Variants in NAV1 observed in about 807,000 individuals in gnomAD.
NAV1 encodes neuron navigator 1.
Under a neutral mutation model 175.2 loss-of-function variants are expected in NAV1, and 18 were observed. The ratio of observed to expected loss-of-function variants is 0.10; its 90% CI spans 0.07 to 0.15. The LOEUF (loss-of-function observed/expected upper bound fraction) is 0.15. Among genes scored for constraint, NAV1 ranks in the 10% least tolerant of loss-of-function variants. NAV1 has a pLI of 1.00. For missense variants in NAV1, 1,731 were observed against 2,436.6 expected (o/e 0.71, Z 6.10); for synonymous variants, 897 against 978.7 (o/e 0.92, Z 1.56).
chr1:201,692,498 G>T (rs1386701231), intron 1 of NAV1, among the ~76,000 whole-genome samples: 1 of 152,208 alleles, frequency 6.6e-6, no homozygotes, highest in Non-Finnish European at 1.5e-5. Flanking sequence ...TTGGTAACAG[G>T]AGTTTGTAAT....
chr1:201,768,641 TAAA>T (rs71281169), intron 3 of NAV1, among the ~76,000 whole-genome samples: 1 of 114,160 alleles, frequency 8.8e-6, no homozygotes. Context: ...TTGTCTCAAT[TAAA>T]AAAAAAAAAA....
chr1:201,769,143 G>C (rs1329548737), intron 3 of NAV1, among the ~76,000 whole-genome samples: 1 of 152,140 alleles, frequency 6.6e-6, no homozygotes, highest in East Asian at 1.9e-4. Flanking sequence ...AGTATCAGGG[G>C]CAAATGTCAT....
intron 4 of NAV1, 141 bp from the exon 9 acceptor site, chr1:201,780,871 G>C: frequency 1.0e-6 from 1 of 991,228 alleles, no homozygotes; most frequent in South Asian, 1.8e-5. Context: ...GGAAACCCTA[G>C]GGGTATAGGT....
chr1:201,627,367 G>A (rs2102289561), intron 1 of NAV1, among the ~76,000 whole-genome samples: 1 of 152,042 alleles, frequency 6.6e-6, no homozygotes, highest in African/African-American at 2.4e-5. Context: ...CCACCTCCCT[G>A]GTTCAAGCGA....
chr1:201,808,651 A>T lies in NAV1; in HGVS notation c.4038+41A>T, dbSNP rs749282949. Reference sequence around the variant, plus strand: ...GACAGCTGCAGGAAAGGGAAGACCAAGGCTTGCTGTCTGTCCAGTCTGCCA... The same window carrying T: ...GACAGCTGCAGGAAAGGGAAGACCATGGCTTGCTGTCTGTCCAGTCTGCCA... On this transcript the variant is annotated intron_variant, in intron 19 of 29. Transcript: ENST00000367296. This position sits in a 1 kb window ranked among gnomAD's most constrained non-coding sequence, Gnocchi z 5.5. 17 of 1,614,086 alleles carry T rather than the reference A, an allele frequency of 1.1e-5. No individual in the cohort carries two copies. The Admixed American group carries it at 2.8e-4, about 27-fold the overall frequency.
intron 2 of NAV1, among the ~76,000 whole-genome samples, chr1:201,616,140 C>A (rs1345117209): frequency 6.6e-6 from 1 of 152,162 alleles, no homozygotes; most frequent in African/African-American, 2.4e-5. Context: ...TGAGTAGATC[C>A]TGTCTCAATC....
intron 22 of NAV1, 46 bp from the exon 27 acceptor site, chr1:201,809,900 C>G: frequency 6.4e-7 from 1 of 1,560,638 alleles, no homozygotes; most frequent in South Asian, 1.1e-5. Flanking sequence ...GCTTTTACAC[C>G]TGTGTTTGTA....
intron 2 of NAV1, among the ~76,000 whole-genome samples, chr1:201,600,497 T>C (rs1667483814): frequency 6.6e-6 from 1 of 152,214 alleles, no homozygotes; most frequent in Admixed American, 6.5e-5. Flanking sequence ...CTTTAGTTAA[T>C]AGTAATGTGC....
intron 1 of NAV1, among the ~76,000 whole-genome samples, chr1:201,660,257 A>C (rs1441262793): frequency 1.2e-4 from 18 of 152,228 alleles, no homozygotes; most frequent in Admixed American, 1.2e-3. Flanking sequence ...GGATGGCAGC[A>C]GACATGAGAG....
intron 1 of NAV1, among the ~76,000 whole-genome samples, chr1:201,626,770 G>A (rs923013325): frequency 7.9e-5 from 12 of 152,200 alleles, no homozygotes; most frequent in Non-Finnish European, 1.6e-4. Context: ...ATGGTTAATG[G>A]TATCAGGAGC....
At chr1:201,605,086 C>T (rs936525484) in intron 2 of NAV1, among the ~76,000 whole-genome samples, 4 of 151,166 alleles carry the variant, frequency 2.6e-5, no homozygotes, top group East Asian at 1.9e-4. Flanking sequence ...CATACACAAA[C>T]GATGACCCAG....
chr1:201,779,430 T>TA (rs35904825), intron 3 of NAV1, among the ~76,000 whole-genome samples: 34,174 of 136,250 alleles, frequency 0.25, 4,831 homozygotes, highest in Non-Finnish European at 0.34. Flanking sequence ...TGTCTCTACT[T>TA]AAAAAAAAAA....
chr1:201,718,792 G>T lies in NAV1; in HGVS notation c.1226+37G>T. 6.4e-7 allele frequency: 1 copy of T among 1,569,648 alleles called. No homozygotes were observed. Among genetic ancestry groups the T allele is most frequent in the South Asian group, 1.2e-5 (1 of 84,832 alleles). ...GGCTTCTTGGATGGCGGGGGAGGAT[G>T]GTGGAAAGACCACTGGGATGCGACG... On this transcript the variant is annotated intron_variant, in intron 3 of 29. Coordinates refer to ENST00000367296, the Ensembl canonical transcript of NAV1. This position sits in a 1 kb window ranked among gnomAD's most constrained non-coding sequence, Gnocchi z 4.8.
chr1:201,598,376 C>A (rs1667415837), intron 2 of NAV1, among the ~76,000 whole-genome samples: 1 of 152,160 alleles, frequency 6.6e-6, no homozygotes, highest in African/African-American at 2.4e-5. Context: ...TCTTAGAGGA[C>A]CCCCAAGAAA....
In NAV1 at chr1:201,707,615, G is replaced by A. The variant is rs76244411; in HGVS notation, c.758-5202G>A. 6.7e-3 allele frequency among the ~76,000 whole-genome samples: 1,014 copies of A among 152,292 alleles called. 13 individuals carry two copies. The highest frequency in any genetic ancestry group is 0.023 in the African/African-American group (943 of 41,542). On this transcript the variant is annotated intron_variant, in intron 1 of 29. Coordinates refer to ENST00000367296, the Ensembl canonical transcript of NAV1. ...TCCCAATCTCTTGATGAGCAATTTC[G>A]TAGTCCTGCCCTCCTGGGGAAGCCT...
At position 201,581,496 on chromosome 1, in the gene NAV1, A is replaced by C. The variant is rs1571831357; in HGVS notation, c.-143-7043A>C. Reference sequence around the variant, plus strand: ...CAGTGGAGAAGTTAAGGCCAGAGAGAGGCAGATTTGAGAGTCATTACATAG... The same window carrying C: ...CAGTGGAGAAGTTAAGGCCAGAGAGCGGCAGATTTGAGAGTCATTACATAG... On this transcript the variant is annotated intron_variant, in intron 1 of 33. Transcript: ENST00000685211. Among the ~76,000 whole-genome samples the C allele has an allele frequency of 2.0e-5, 3 of 152,204 alleles. No homozygotes were observed. The East Asian group carries it at 5.8e-4, about 29-fold the overall frequency.
At chr1:201,621,332 C>CTTTTTTTTTTTT (rs11422175), upstream of NAV1, among the ~76,000 whole-genome samples, 2 of 118,896 alleles carry the variant, frequency 1.7e-5, no homozygotes, top group African/African-American at 6.5e-5. Context: ...TCTTTTCTTT[C>CTTTTTTTTTTTT]TTTTTTTTTT....
intron 2 of NAV1, among the ~76,000 whole-genome samples, chr1:201,714,912 C>T (rs74709343): frequency 0.015 from 2,359 of 152,238 alleles, 70 homozygotes; most frequent in African/African-American, 0.054. Flanking sequence ...CCTAGGCAGG[C>T]GCTATTGGTT....
At chr1:201,560,731 G>A (rs556051698) in intron 1 of NAV1, among the ~76,000 whole-genome samples, 2 of 152,326 alleles carry the variant, frequency 1.3e-5, no homozygotes, top group African/African-American at 2.4e-5. Context: ...CTGTTGCTGC[G>A]TGGCAGCATT....
Sources: gnomAD v4.1 joint callset for allele counts (sites outside exome capture counted in the v4.1 genomes callset) on GRCh38, gnomAD v4.1.1 for gene constraint, Gnocchi (gnomAD v3.1) non-coding constraint, MANE v1.5 for transcripts, NCBI Gene and HGNC (gene_info 2026-07-23, HGNC 2026-07-21) for gene names.